THUMPD2: variants seen among roughly 807,000 people sequenced by gnomAD.
THUMPD2 encodes the protein THUMP domain 2 tRNA and snRNA guanosine methyltransferase.
In THUMPD2, 56 loss-of-function variants were observed where a neutral mutation model predicts 49.4. The ratio of observed to expected loss-of-function variants is 1.13; its 90% confidence interval spans 0.91 to 1.41. The LOEUF is 1.41. Ranked by LOEUF, THUMPD2 falls within the 40% of genes most tolerant of loss-of-function variation. The pLI is 0.00. For synonymous variants in THUMPD2, 237 were observed against 205.2 expected (o/e 1.15, Z -1.32); for missense variants, 709 against 594.5 (o/e 1.19, Z -2.00).
At chr2:39,749,278 A>T (rs763691424) in intron 8 of THUMPD2, among the ~76,000 whole-genome samples, 78 of 152,244 alleles carry the variant, frequency 5.1e-4, no homozygotes, top group Non-Finnish European at 1.0e-3. Context: ...AGAGTAAAAA[A>T]GAAACAAAGC....
rs1214621016 is a variant in THUMPD2, at chr2:39,736,441, T to C, written c.*294A>G. The C allele has an allele frequency of 4.0e-6, 1 of 252,240 alleles. No individual in the cohort carries two copies. The highest frequency in any genetic ancestry group is 7.5e-6 in the Non-Finnish European group (1 of 132,780). 15.6% of individuals were successfully genotyped at this position (252,240 alleles called of 1,614,324 possible). On this transcript the variant is annotated 3_prime_UTR_variant, in exon 10 of 10. Coordinates refer to ENST00000505747, the MANE Select transcript of THUMPD2 (RefSeq NM_025264.5). Reference sequence around the variant, plus strand: ...TTAAGTGAACCCCTGAAAACCTTTATTTTGAAATTGAAGTTTTTGCTCAGA... The same window carrying C: ...TTAAGTGAACCCCTGAAAACCTTTACTTTGAAATTGAAGTTTTTGCTCAGA...
chr2:39,747,627 T>A (rs1674790057), intron 8 of THUMPD2, among the ~76,000 whole-genome samples: 1 of 152,182 alleles, frequency 6.6e-6, no homozygotes, highest in Non-Finnish European at 1.5e-5. Context: ...AAAACGTATC[T>A]GTGCAAAATG....
In THUMPD2 at chr2:39,736,519, A is replaced by AAT. The variant is rs1472912056; in HGVS notation, c.*214_*215dup. On this transcript the variant is annotated 3_prime_UTR_variant, in exon 10 of 10. Coordinates refer to ENST00000505747, the MANE Select transcript of THUMPD2 (RefSeq NM_025264.5). ...CAGAAGATAAAACTTAAGTCTAAAA[A>AAT]ATATTCGATAACTTTTTTCTCAAAA... 2.3e-6 allele frequency: 1 copy of AAT among 425,932 alleles called. No individual in the cohort carries two copies. The highest frequency in any genetic ancestry group is 3.9e-5 in the Admixed American group (1 of 25,350). The allele number at this position is 425,932 out of a possible 1,614,324, so 26.4% of individuals were successfully genotyped here.
intron 8 of THUMPD2, among the ~76,000 whole-genome samples, chr2:39,745,867 G>A (rs769881192): frequency 3.8e-4 from 58 of 152,180 alleles, no homozygotes; most frequent in Non-Finnish European, 6.0e-4. Flanking sequence ...TTCCAATAGA[G>A]CATAAAATAA....
chr2:39,737,974 C>T (rs1485700261), intron 9 of THUMPD2, among the ~76,000 whole-genome samples: 2 of 152,084 alleles, frequency 1.3e-5, no homozygotes, highest in African/African-American at 4.8e-5. Context: ...CTAAGGAACA[C>T]ATAAGTGCGG....
In THUMPD2 at chr2:39,737,057, ACTCTGTG is replaced by A. The variant is rs1332297908; in HGVS notation, c.1188-5_1189del. The A allele has an allele frequency of 1.9e-6, 3 of 1,583,554 alleles. No individual in the cohort carries two copies. The highest frequency in any genetic ancestry group is 3.6e-5 in the Admixed American group (2 of 55,628). On this transcript the variant is annotated splice_acceptor_variant and splice_polypyrimidine_tract_variant and coding_sequence_variant and intron_variant, in exon 10 of 10. Transcript: ENST00000505747. LOFTEE classifies it high-confidence loss of function. The stretch of plus-strand genomic sequence containing the variant: ...TACAATGGTTCCGCCAACATGAAGC[ACTCTGTG>A]ACAAAAAAAAAATGGTAATTGCTAT...
chr2:39,771,405 G>T, intron 2 of THUMPD2, 100 bp downstream of exon 2: 3 of 1,179,146 alleles, frequency 2.5e-6, no homozygotes, highest in South Asian at 1.7e-5. Context: ...ACATGTCAAT[G>T]AATATTAAAG....
rs1234303958 is a variant in THUMPD2 at position 39,737,784 on chromosome 2, C to G, written c.1188-725G>C. Among the ~76,000 whole-genome samples, 6 of 152,200 alleles carry G rather than the reference C, an allele frequency of 3.9e-5. No individual in the cohort carries two copies. The South Asian group carries it at 1.2e-3, about 32-fold the overall frequency. ...AAAAGACAAGTGGGAATGAGCCAGG[C>G]AAAGCGACGGCAAGCGGCTGCAGCA... On this transcript the variant is annotated intron_variant, in intron 9 of 9. Coordinates refer to ENST00000505747, the MANE Select transcript of THUMPD2 (RefSeq NM_025264.5).
intron 1 of THUMPD2, 37 bp downstream of exon 1, chr2:39,779,077 C>A: frequency 6.7e-7 from 1 of 1,482,030 alleles, no homozygotes; most frequent in African/African-American, 1.5e-5. Flanking sequence ...GGGACAGGGC[C>A]GCCCACCTCC....
intron 9 of THUMPD2, among the ~76,000 whole-genome samples, chr2:39,741,496 T>C (rs1347804811): frequency 1.3e-5 from 2 of 152,226 alleles, no homozygotes; most frequent in Non-Finnish European, 2.9e-5. Flanking sequence ...ACACAATGCC[T>C]TCTTCCTTCA....
chr2:39,766,500 C>A (rs1677539725), intron 4 of THUMPD2, among the ~76,000 whole-genome samples: 1 of 152,170 alleles, frequency 6.6e-6, no homozygotes, highest in African/African-American at 2.4e-5. Context: ...ACAGGACTAT[C>A]AGAGGCTGCA....
intron 8 of THUMPD2, among the ~76,000 whole-genome samples, chr2:39,749,701 A>T (rs188618200): frequency 6.6e-6 from 1 of 152,256 alleles, no homozygotes; most frequent in East Asian, 1.9e-4. Context: ...TCAACCCACC[A>T]CCTTGGTAAT....
At chr2:39,737,729 TCC>T (rs376148672) in intron 9 of THUMPD2, among the ~76,000 whole-genome samples, 29 of 152,146 alleles carry the variant, frequency 1.9e-4, no homozygotes, top group Middle Eastern at 6.8e-3. Context: ...GGAGAGAATT[TCC>T]CAGAGGAAGA....
At chr2:39,742,575 A>C (rs1312742594) in intron 9 of THUMPD2, among the ~76,000 whole-genome samples, 13 of 152,204 alleles carry the variant, frequency 8.5e-5, no homozygotes, top group Non-Finnish European at 1.3e-4. Context: ...AGTTAGAGTA[A>C]GCCACCATCT....
chr2:39,775,541 G>T (rs1023744585), intron 1 of THUMPD2, among the ~76,000 whole-genome samples: 4 of 151,982 alleles, frequency 2.6e-5, no homozygotes, highest in South Asian at 2.1e-4. Context: ...AGGCCAAGGC[G>T]GGTGGATCAC....
chr2:39,778,359 C>T (rs77664398), intron 1 of THUMPD2, among the ~76,000 whole-genome samples: 2,410 of 152,340 alleles, frequency 0.016, 21 homozygotes, highest in Non-Finnish European at 0.023. Flanking sequence ...CAACCTTTCA[C>T]TGCAGAAACT....
intron 8 of THUMPD2, among the ~76,000 whole-genome samples, chr2:39,750,201 T>C (rs1476080788): frequency 6.6e-6 from 1 of 152,200 alleles, no homozygotes; most frequent in Admixed American, 6.5e-5. Flanking sequence ...TTGAAGTCAT[T>C]TACACTCCCA....
At chr2:39,748,863 T>C (rs1674993358) in intron 8 of THUMPD2, among the ~76,000 whole-genome samples, 1 of 151,820 alleles carries the variant, frequency 6.6e-6, no homozygotes, top group Non-Finnish European at 1.5e-5. Flanking sequence ...CCTCCTACAG[T>C]CCTAGCTACT....
rs768746293 is a variant in THUMPD2 at position 39,771,536 on chromosome 2, C to G, written c.231G>C (p.Gln77His). ...AERLFLLIKKQFPLIISSVSK... is the reference protein window; with the variant it reads ...AERLFLLIKKHFPLIISSVSK... ...TTACAGAAGAAATAATAAGTGGAAA[C>G]TGCTTTTTAATCAGCAAAAATAATC... Residue 77 changes from glutamine to histidine, a missense_variant, in exon 2 of 10, where the codon CAG becomes CAC. Coordinates refer to ENST00000505747, the MANE Select transcript of THUMPD2 (RefSeq NM_025264.5). The G allele has an allele frequency of 2.5e-6, 4 of 1,606,746 alleles. No individual in the cohort carries two copies. The highest frequency in any genetic ancestry group is 3.4e-6 in the Non-Finnish European group (4 of 1,177,942).
Sources: gnomAD v4.1 joint callset for allele counts (sites outside exome capture counted in the v4.1 genomes callset) on GRCh38, gnomAD v4.1.1 for gene constraint, MANE v1.5 for transcripts, NCBI Gene and HGNC (gene_info 2026-07-23, HGNC 2026-07-21) for gene names.